The following STK32B variants were observed in gnomAD, a reference collection of about 807,000 sequenced individuals.
STK32B encodes the protein serine/threonine kinase 32B.
In STK32B, 43 loss-of-function variants were observed where a neutral mutation model predicts 52.6. The ratio of observed to expected loss-of-function variants is 0.82; its 90% CI spans 0.64 to 1.05. The LOEUF (loss-of-function observed/expected upper bound fraction) is 1.05, where lower values mean the gene tolerates loss of function less well. STK32B is among the 50% of genes least tolerant of loss of function. The pLI, the probability that STK32B is intolerant of heterozygous loss-of-function variation, is 0.00. For missense variants in STK32B, 621 were observed against 534.6 expected (o/e 1.16, Z -1.59); for synonymous variants, 238 against 204.3 (o/e 1.17, Z -1.41).
At position 5,302,318 on chromosome 4, in the gene STK32B, T is replaced by C. The variant is rs369774180; in HGVS notation, c.261-28902T>C. Among the ~76,000 whole-genome samples the C allele has an allele frequency of 7.9e-5, 12 of 152,212 alleles. No individual in the cohort carries two copies. The South Asian group carries it at 1.2e-3, about 16-fold the overall frequency. ...TGTATGTTTTCAGAGCTAAAATTCC[T>C]AATTTTAATTAAGTTTAACATATTA... On this transcript the variant is annotated intron_variant, in intron 3 of 11. Coordinates refer to ENST00000282908, the MANE Select transcript of STK32B (RefSeq NM_018401.3).
chr4:5,303,891 T>TA (rs1729742634), intron 3 of STK32B, among the ~76,000 whole-genome samples: 1 of 146,874 alleles, frequency 6.8e-6, no homozygotes, highest in Non-Finnish European at 1.5e-5. Flanking sequence ...TGCATTCTTT[T>TA]ACATGGACTT....
intron 3 of STK32B, among the ~76,000 whole-genome samples, chr4:5,245,048 G>A (rs1725339452): frequency 6.6e-6 from 1 of 152,322 alleles, no homozygotes; most frequent in Admixed American, 6.5e-5. Flanking sequence ...TGTGTATTCT[G>A]TTGATTTGGG....
At chr4:5,364,093 C>G (rs541919963) in intron 4 of STK32B, among the ~76,000 whole-genome samples, 166 of 151,164 alleles carry the variant, frequency 1.1e-3, no homozygotes, top group Non-Finnish European at 2.0e-3. Flanking sequence ...TTCACTGACC[C>G]CCCCCACTGT....
chr4:5,046,963 T>C (rs1460138880), upstream of STK32B, among the ~76,000 whole-genome samples: 1 of 152,208 alleles, frequency 6.6e-6, no homozygotes, highest in Non-Finnish European at 1.5e-5. Flanking sequence ...AGAAATACCA[T>C]TTGACCCAGC....
At chr4:5,323,807 T>C (rs1226821022) in intron 3 of STK32B, among the ~76,000 whole-genome samples, 1 of 152,160 alleles carries the variant, frequency 6.6e-6, no homozygotes, top group Non-Finnish European at 1.5e-5. Context: ...CAGAGTTCAC[T>C]GGCTGGTGGG....
At chr4:5,417,023 C>G (rs1712223875) in intron 6 of STK32B, 89 bp downstream of exon 6, 1 of 1,164,212 alleles carries the variant, frequency 8.6e-7, no homozygotes, top group Non-Finnish European at 1.2e-6. Flanking sequence ...CCACTGCCCG[C>G]TGCCACATAC....
intron 3 of STK32B, among the ~76,000 whole-genome samples, chr4:5,317,912 C>T (rs1731216274): frequency 6.6e-6 from 1 of 152,084 alleles, no homozygotes; most frequent in Non-Finnish European, 1.5e-5. Flanking sequence ...TCAACATCAC[C>T]TGAAAATCTG....
chr4:5,019,977 G>A, the STK32B span, among the ~76,000 whole-genome samples: 12 of 152,270 alleles, frequency 7.9e-5, no homozygotes, highest in African/African-American at 2.2e-4. Flanking sequence ...CGGTGTCCTC[G>A]TCCATCAATC....
At chr4:5,431,318 A>G (rs1258346071) in intron 6 of STK32B, among the ~76,000 whole-genome samples, 1 of 152,194 alleles carries the variant, frequency 6.6e-6, no homozygotes, top group African/African-American at 2.4e-5. Flanking sequence ...TCTAAATAAC[A>G]TTAATTGCCT....
chr4:5,306,189 A>G (rs11735651), intron 3 of STK32B, among the ~76,000 whole-genome samples: 49,001 of 152,002 alleles, frequency 0.32, 12,792 homozygotes, highest in African/African-American at 0.73. Context: ...CAGTTGCTGG[A>G]TAGAATGTTC....
At chr4:5,143,304 G>T (rs1716648554) in intron 2 of STK32B, among the ~76,000 whole-genome samples, 1 of 152,186 alleles carries the variant, frequency 6.6e-6, no homozygotes, top group African/African-American at 2.4e-5. Context: ...ACAGCAAACT[G>T]TTTCACATGA....
chr4:5,087,196 A>AT (rs979392219), intron 1 of STK32B, among the ~76,000 whole-genome samples: 17 of 152,140 alleles, frequency 1.1e-4, no homozygotes, highest in African/African-American at 3.6e-4. Flanking sequence ...GACAGCATAG[A>AT]TTTTGTATAT....
chr4:5,302,078 A>T (rs1464630570), intron 3 of STK32B, among the ~76,000 whole-genome samples: 2 of 151,196 alleles, frequency 1.3e-5, no homozygotes, highest in Non-Finnish European at 3.0e-5. Context: ...TCTTTCTTTT[A>T]CTGTATTTTT....
At position 5,159,910 on chromosome 4, in the gene STK32B, C is replaced by CTGAGCTGCAGATCAAGTCTGAAGGGCG. The variant is rs367643295; in HGVS notation, c.109-8387_109-8361dup. Among the ~76,000 whole-genome samples the CTGAGCTGCAGATCAAGTCTGAAGGGCG allele has an allele frequency of 3.3e-5, 5 of 151,894 alleles. No homozygotes were observed. In the Middle Eastern group the frequency reaches 0.01, roughly 312 times the overall value. ...GTCAGGCTGGAGACGCAGGAAGGAG[C>CTGAGCTGCAGATCAAGTCTGAAGGGCG]TGAGCTGCAGATCAAGTCTGAAGGG... On this transcript the variant is annotated intron_variant, in intron 2 of 11. Transcript: ENST00000282908.
intron 3 of STK32B, among the ~76,000 whole-genome samples, chr4:5,237,705 CT>C (rs1724724991): frequency 1.3e-5 from 2 of 152,148 alleles, no homozygotes; most frequent in Non-Finnish European, 2.9e-5. Context: ...TAGCCAGTGC[CT>C]TTTCATCAAG....
intron 3 of STK32B, among the ~76,000 whole-genome samples, chr4:5,214,700 G>A (rs1723089101): frequency 6.6e-6 from 1 of 152,136 alleles, no homozygotes; most frequent in Admixed American, 6.5e-5. Flanking sequence ...GACTATCTCT[G>A]TCTCAATTTC....
chr4:5,117,638 T>C (rs1714804875), intron 1 of STK32B, among the ~76,000 whole-genome samples: 1 of 152,120 alleles, frequency 6.6e-6, no homozygotes, highest in East Asian at 1.9e-4. Context: ...CTGCTTTGTA[T>C]TTTAGGGATA....
intron 3 of STK32B, among the ~76,000 whole-genome samples, chr4:5,261,210 C>T (rs1365452965): frequency 6.6e-6 from 1 of 152,150 alleles, no homozygotes; most frequent in East Asian, 1.9e-4. Flanking sequence ...GGTGGCTGCT[C>T]ATTAAGGCTT....
intron 11 of STK32B, among the ~76,000 whole-genome samples, chr4:5,485,400 T>G (rs1334758900): frequency 1.3e-5 from 2 of 152,210 alleles, no homozygotes; most frequent in African/African-American, 4.8e-5. Flanking sequence ...GGCTTGTGCA[T>G]TCGTCATGTA....
Sources: gnomAD v4.1 joint callset for allele counts (sites outside exome capture counted in the v4.1 genomes callset) on GRCh38, gnomAD v4.1.1 for gene constraint, MANE v1.5 for transcripts, NCBI Gene and HGNC (gene_info 2026-07-23, HGNC 2026-07-21) for gene names.